The following A2M variants were observed in gnomAD, a reference collection of about 807,000 sequenced individuals.
A2M encodes the protein alpha-2-macroglobulin.
A2M carries 128 observed loss-of-function variants against 183.9 expected under a neutral mutation model. The observed-to-expected ratio is 0.70, with a 90% CI of 0.60 to 0.81. The LOEUF (loss-of-function observed/expected upper bound fraction) is 0.81. Ranked by LOEUF, A2M falls within the 30% of genes least tolerant of loss-of-function variation. The pLI is 0.00. For missense variants in A2M, 1,495 were observed against 1,787.6 expected, an observed-to-expected ratio of 0.84 and a Z score of 2.95; for synonymous variants, 592 against 670.8, an observed-to-expected ratio of 0.88 and a Z score of 1.81.
intron 1 of A2M, 106 bp from the exon 2 acceptor site, chr12:9,113,649 G>T: frequency 8.8e-7 from 1 of 1,138,978 alleles, no homozygotes; most frequent in Non-Finnish European, 1.3e-6. Context: ...TCTACACCAA[G>T]AGAAGATGTA....
chr12:9,090,229 A>C, intron 20 of A2M, 127 bp downstream of exon 20: 1 of 1,484,582 alleles, frequency 6.7e-7, no homozygotes, highest in Non-Finnish European at 9.3e-7. Flanking sequence ...TCTTAGAATA[A>C]AAGGCAAAGG....
chr12:9,079,611 G>T, intron 24 of A2M, 28 bp downstream of exon 24: 1 of 1,598,806 alleles, frequency 6.3e-7, no homozygotes, highest in Non-Finnish European at 8.5e-7. Flanking sequence ...TAACATTCAA[G>T]TTTTCCCTTA....
chr12:9,101,759 C>G, intron 11 of A2M, 85 bp from the exon 12 acceptor site: 1 of 1,025,110 alleles, frequency 9.8e-7, no homozygotes, highest in Non-Finnish European at 1.4e-6. Context: ...GTTTACTGTC[C>G]TACCTTAACT....
chr12:9,109,290 C>T, intron 7 of A2M, 31 bp downstream of exon 7: 1 of 1,537,804 alleles, frequency 6.5e-7, no homozygotes, highest in Non-Finnish European at 9.0e-7. Context: ...TAAATAATCC[C>T]CCACAAAAGA....
intron 29 of A2M, among the ~76,000 whole-genome samples, chr12:9,073,248 G>A (rs1323207177): frequency 6.6e-6 from 1 of 152,196 alleles, no homozygotes; most frequent in African/African-American, 2.4e-5. Context: ...GCAAAGTTCA[G>A]TCTGGCTCTC....
In A2M at chr12:9,069,780, C is replaced by T. The variant is rs768908487; in HGVS notation, c.4228G>A (p.Val1410Ile). The change falls in exon 33 of 36, where the codon GTC (valine) becomes ATC (isoleucine). Residue 1410 changes from valine (V) to isoleucine (I), a missense_variant. By Grantham distance (29) the Val-to-Ile change is conservative (BLOSUM62 3). Coordinates refer to ENST00000318602, the MANE Select transcript of A2M (RefSeq NM_000014.6). Reference sequence around the variant, plus strand: ...TAAATCAAGACATGGTTGCTGCTGACTTCTGTCCGGCTCACATGGTTAGAT... The same window carrying T: ...TAAATCAAGACATGGTTGCTGCTGATTTCTGTCCGGCTCACATGGTTAGAT... The part of the protein sequence containing the change: ...ERSNHVSRTE[V>I]SSNHVLIYLD... 6.2e-7 allele frequency: 1 copy of T among 1,613,308 alleles called. No individual in the cohort carries two copies. The highest frequency in any genetic ancestry group is 8.5e-7 in the Non-Finnish European group (1 of 1,179,544).
At position 9,115,809 on chromosome 12, in the gene A2M, A is replaced by G. The variant is rs1297696976; in HGVS notation, c.41T>C (p.Leu14Pro). 1 of 1,613,574 alleles carries G rather than the reference A, an allele frequency of 6.2e-7. No individual in the cohort carries two copies. The highest frequency in any genetic ancestry group is 1.3e-5 in the African/African-American group (1 of 75,032). Reference protein sequence around the residue: ...NKLLHPSLVLLLLVLLPTDAS... With the variant: ...NKLLHPSLVLPLLVLLPTDAS... ...GTCTGTGGGCAGGAGGACCAAGAGG[A>G]GAAGAACCAGACTTGGATGAAGGAG... Residue 14 changes from leucine (L) to proline (P), a missense_variant, in exon 1 of 36, where the codon CTC becomes CCC. By Grantham distance (98) the Leu-to-Pro change is moderately conservative (BLOSUM62 -3). Transcript: ENST00000318602.
chr12:9,095,134 C>T, intron 16 of A2M, 50 bp from the exon 17 acceptor site: 1 of 936,268 alleles, frequency 1.1e-6, no homozygotes, highest in Non-Finnish European at 1.6e-6. Context: ...ATAAAATATA[C>T]ATAGGTAGCT....
chr12:9,106,104 T>G (rs1938261937), intron 10 of A2M, 132 bp downstream of exon 10: 1 of 547,688 alleles, frequency 1.8e-6, no homozygotes, highest in Non-Finnish European at 3.3e-6. Context: ...TAATCAAGCC[T>G]TGGTGATATT....
chr12:9,068,252 C>G (rs2137608706), intron 34 of A2M, 28 bp from the exon 35 acceptor site: 1 of 1,597,998 alleles, frequency 6.3e-7, no homozygotes, highest in Admixed American at 1.7e-5. Flanking sequence ...AACAAAAAAC[C>G]AGAAATCATT....
chr12:9,089,692 G>T (rs1487114518), intron 21 of A2M, among the ~76,000 whole-genome samples: 1 of 152,146 alleles, frequency 6.6e-6, no homozygotes, highest in Admixed American at 6.5e-5. Flanking sequence ...AGTGAGCAGA[G>T]ATCCTGCCAC....
At chr12:9,075,466 A>G (rs1667500356) in intron 28 of A2M, among the ~76,000 whole-genome samples, 1 of 152,196 alleles carries the variant, frequency 6.6e-6, no homozygotes, top group Non-Finnish European at 1.5e-5. Flanking sequence ...CCATGAGGAG[A>G]AACTCGATGT....
In A2M at chr12:9,071,006, G is replaced by C. The variant is rs767983049; in HGVS notation, c.4104-428C>G. Among the ~76,000 whole-genome samples the C allele has an allele frequency of 2.6e-5, 4 of 152,192 alleles. No homozygotes were observed. The East Asian group carries it at 5.8e-4, about 22-fold the overall frequency. ...CGACTAATTTTGTATTTTTAGTACA[G>C]ACGGGGTTTCTCCATGTTGGTCAGG... On this transcript the variant is annotated intron_variant, in intron 31 of 35. Coordinates refer to ENST00000318602, the MANE Select transcript of A2M (RefSeq NM_000014.6).
At chr12:9,114,617 A>G (rs1386770846) in intron 1 of A2M, among the ~76,000 whole-genome samples, 1 of 151,938 alleles carries the variant, frequency 6.6e-6, no homozygotes, top group Non-Finnish European at 1.5e-5. Context: ...TTTATCCTAA[A>G]TTTTTATATT....
intron 10 of A2M, among the ~76,000 whole-genome samples, chr12:9,105,304 G>C (rs1938199347): frequency 6.6e-6 from 1 of 152,184 alleles, no homozygotes; most frequent in Admixed American, 6.5e-5. Context: ...TAGCTAGAGA[G>C]TCTTATGACA....
Position 9,091,369 on chromosome 12 carries a change from T to C in A2M, c.2301A>G (p.Ala767=), listed in dbSNP as rs759668004. 2.5e-6 allele frequency: 4 copies of C among 1,614,190 alleles called. No homozygotes were observed. The highest frequency in any genetic ancestry group is 3.4e-6 in the Non-Finnish European group (4 of 1,180,032). The change falls in exon 19 of 36, where the codon GCA becomes GCG. Residue 767 remains alanine, a synonymous_variant. Coordinates refer to ENST00000318602, the MANE Select transcript of A2M (RefSeq NM_000014.6). ...TVPDTITEWK[A]GAFCLSEDAG... is the part of the protein sequence containing the mutation. ...CATCTTCAGACAGGCAGAAGGCCCCTGCCTTCCACTCGGTGATGGTGTCAG... is the reference window on the plus strand; with the variant it reads ...CATCTTCAGACAGGCAGAAGGCCCCCGCCTTCCACTCGGTGATGGTGTCAG...
intron 19 of A2M, 28 bp downstream of exon 19, chr12:9,091,173 G>A (rs780180389): frequency 1.2e-6 from 2 of 1,602,586 alleles, no homozygotes; most frequent in East Asian, 2.2e-5. Flanking sequence ...TGGCTACCTT[G>A]TATTTAATTT....
At chr12:9,096,860 A>C (rs1244781084) in intron 15 of A2M, among the ~76,000 whole-genome samples, 1 of 152,212 alleles carries the variant, frequency 6.6e-6, no homozygotes, top group African/African-American at 2.4e-5. Context: ...TTATCTTTCC[A>C]GTAGCTCACT....
At position 9,094,956 on chromosome 12, in the gene A2M, A is replaced by C. The variant is rs745827762; in HGVS notation, c.2125+17T>G. On this transcript the variant is annotated intron_variant, in intron 17 of 35. Transcript: ENST00000318602. ...TGAATATATTAGGCAATATATATTT[A>C]TTAATTTTTTGTTTACCATAAAAAC... The C allele has an allele frequency of 1.5e-6, 2 of 1,342,312 alleles. No homozygotes were observed. The highest frequency in any genetic ancestry group is 2.0e-6 in the Non-Finnish European group (2 of 989,738). The allele number at this position is 1,342,312 out of a possible 1,614,324, so 83.2% of individuals were successfully genotyped here.
Sources: gnomAD v4.1 joint callset for allele counts (sites outside exome capture counted in the v4.1 genomes callset) on GRCh38, gnomAD v4.1.1 for gene constraint, MANE v1.5 for transcripts, NCBI Gene and HGNC (gene_info 2026-07-23, HGNC 2026-07-21) for gene names.